ARSH: variants seen among roughly 807,000 people sequenced by gnomAD.
ARSH encodes the protein arylsulfatase family member H.
Under a neutral mutation model 28.7 loss-of-function variants are expected in ARSH, and 32 were observed. The observed-to-expected ratio is 1.11, with a 90% CI of 0.84 to 1.50. The LOEUF (loss-of-function observed/expected upper bound fraction) is 1.50. Among genes scored for constraint, ARSH ranks in the 40% most tolerant of loss-of-function variants. The pLI is 0.00. For missense variants in ARSH, 440 were observed against 452.4 expected, an observed-to-expected ratio of 0.97 and a Z score of 0.25; for synonymous variants, 176 against 177.3, an observed-to-expected ratio of 0.99 and a Z score of 0.06.
rs747948261 is a variant in ARSH, at chrX:3,024,143, G to A, written c.1024G>A (p.Gly342Arg). ...GGCTGTTCAGCTGGGTGGCTGGAACGGGATCTACAAAGGTGATTGTGTGTA... is the reference window on the plus strand; with the variant it reads ...GGCTGTTCAGCTGGGTGGCTGGAACAGGATCTACAAAGGTGATTGTGTGTA... The part of the protein sequence containing the change: ...DGAVQLGGWN[G>R]IYKGGKGMGG... Residue 342 changes from glycine to arginine, a missense_variant, in exon 6 of 9, where the codon GGG (glycine) becomes AGG (arginine). Transcript: ENST00000381130. The A allele has an allele frequency of 1.0e-5, 12 of 1,192,625 alleles. No individual in the cohort carries two copies. In the Admixed American group the frequency reaches 1.6e-4, roughly 16 times the overall value.
At chrX:3,022,609 A>G (rs2089887346) in intron 5 of ARSH, among the ~76,000 whole-genome samples, 1 of 112,180 alleles carries the variant, frequency 8.9e-6, no homozygotes, top group Non-Finnish European at 1.9e-5. Flanking sequence ...AGACATCAGA[A>G]AGGAAATGAA....
Position 3,015,033 on chromosome X carries a change from ATGGT to A in ARSH, c.406_409del (p.Gly136PhefsTer12), listed in dbSNP as rs1370290522. The A allele has an allele frequency of 8.3e-7, 1 of 1,211,321 alleles. No individual in the cohort carries two copies. The highest frequency in any genetic ancestry group is 1.1e-6 in the Non-Finnish European group (1 of 895,400). On this transcript the variant is annotated frameshift_variant, in exon 4 of 9. Coordinates refer to ENST00000381130, the MANE Select transcript of ARSH (RefSeq NM_001011719.2). LOFTEE classifies it high-confidence loss of function. ...GATCACTGTTACCACCCGCTCAACCATGGTTTTCACTACTTTTACGGGGTGCCTT... is the reference window on the plus strand; with the variant it reads ...GATCACTGTTACCACCCGCTCAACCATTTCACTACTTTTACGGGGTGCCTT...
chrX:3,009,908 G>C, intron 1 of ARSH, 122 bp from the exon 2 acceptor site: 2 of 852,474 alleles, frequency 2.3e-6, no homozygotes, highest in Middle Eastern at 3.3e-4. Flanking sequence ...GTTTTAAAAA[G>C]ATGGATTTTA....
Position 3,024,173 on chromosome X carries a change from ACCAACG to A in ARSH, c.1036+21_1036+26del, listed in dbSNP as rs761456640. On this transcript the variant is annotated intron_variant, in intron 6 of 8. Transcript: ENST00000381130. ...CTACAAAGGTGATTGTGTGTAGAGA[ACCAACG>A]CCTGTCCATTTTAAATCAGTAGTCT... 51 of 1,140,153 alleles carry A rather than the reference ACCAACG, an allele frequency of 4.5e-5. No individual in the cohort carries two copies. Among genetic ancestry groups the A allele is most frequent in the Non-Finnish European group, 4.9e-5 (42 of 862,486 alleles). 94.0% of individuals were successfully genotyped at this position (1,140,153 alleles called of 1,213,427 possible).
chrX:3,018,702 T>C (rs1190134407), intron 5 of ARSH, 32 bp downstream of exon 5: 2 of 1,198,412 alleles, frequency 1.7e-6, no homozygotes, highest in African/African-American at 3.5e-5. Flanking sequence ...TGTAAATATC[T>C]GAAGTACGGG....
At chrX:3,018,327 T>C (rs891270311) in intron 4 of ARSH, among the ~76,000 whole-genome samples, 1 of 111,880 alleles carries the variant, frequency 8.9e-6, no homozygotes, top group Non-Finnish European at 1.9e-5. Context: ...GGAACACAAA[T>C]GTTCTGTTAT....
chrX:3,027,313 G>A lies in ARSH; in HGVS notation c.1037G>A (p.Gly346Asp). 8.3e-7 allele frequency: 1 copy of A among 1,210,408 alleles called. No individual in the cohort carries two copies. Among genetic ancestry groups the A allele is most frequent in the Non-Finnish European group, 1.1e-6 (1 of 895,133 alleles). Residue 346 changes from glycine (G) to aspartate (D), a missense_variant and splice_region_variant, in exon 7 of 9, where the codon GGT becomes GAT. Gly to Asp is a moderately conservative substitution (Grantham distance 94). Coordinates refer to ENST00000381130, the MANE Select transcript of ARSH (RefSeq NM_001011719.2). ...GTTGTGTCGTAATCTTTGGTTTTAGGTGGCAAAGGAATGGGAGGATGGGAA... is the reference window on the plus strand; with the variant it reads ...GTTGTGTCGTAATCTTTGGTTTTAGATGGCAAAGGAATGGGAGGATGGGAA... ...QLGGWNGIYK[G>D]GKGMGGWEGG...
At chrX:3,027,962 G>A (rs113893691) in intron 7 of ARSH, among the ~76,000 whole-genome samples, 13,071 of 109,487 alleles carry the variant, frequency 0.12, 730 homozygotes, top group African/African-American at 0.2. Context: ...AATCAGTCTG[G>A]TGTGGTGGCA....
At position 3,012,588 on chromosome X, in the gene ARSH, T is replaced by TA. The variant is rs1290554852; in HGVS notation, c.215-458dup. Reference sequence around the variant, plus strand: ...AAAAAAATATATATATATATATATATATATATATATAATATATATATGTAT... The same window carrying TA: ...AAAAAAATATATATATATATATATATAATATATATATAATATATATATGTAT... On this transcript the variant is annotated intron_variant, in intron 2 of 8. Coordinates refer to ENST00000381130, the MANE Select transcript of ARSH (RefSeq NM_001011719.2). Among the ~76,000 whole-genome samples the TA allele has an allele frequency of 2.4e-3, 55 of 22,849 alleles. 1 individual carries two copies. Among genetic ancestry groups the TA allele is most frequent in the African/African-American group, 9.5e-3 (49 of 5,153 alleles). The allele number at this position is 22,849 out of a possible 115,157, so 19.8% of individuals were successfully genotyped here.
In ARSH at chrX:3,029,346, G is replaced by A. The variant is rs138759808; in HGVS notation, c.1299G>A (p.Thr433=). The change falls in exon 8 of 9, where the codon ACG becomes ACA. Residue 433 remains threonine, a synonymous_variant. Coordinates refer to ENST00000381130, the MANE Select transcript of ARSH (RefSeq NM_001011719.2). Reference sequence around the variant, plus strand: ...ACTACTGTGGGGTCTATCTGCACACGGTCAGGTGGCATCAGAAGGACTGTA... The same window carrying A: ...ACTACTGTGGGGTCTATCTGCACACAGTCAGGTGGCATCAGAAGGACTGTA... ...LFHYCGVYLH[T]VRWHQKDCAT... The A allele has an allele frequency of 5.0e-5, 61 of 1,207,922 alleles. No homozygotes were observed. Among genetic ancestry groups the A allele is most frequent in the Middle Eastern group, 4.6e-4 (2 of 4,372 alleles).
intron 8 of ARSH, among the ~76,000 whole-genome samples, chrX:3,031,950 C>T (rs1367848543): frequency 9.0e-6 from 1 of 111,238 alleles, no homozygotes; most frequent in Non-Finnish European, 1.9e-5. Flanking sequence ...CCAAGCATCA[C>T]ACCTGCACTC....
intron 4 of ARSH, among the ~76,000 whole-genome samples, chrX:3,017,119 C>T (rs1180357776): frequency 9.0e-6 from 1 of 111,424 alleles, no homozygotes. Flanking sequence ...CTCAGCTCTC[C>T]ATTCATCTTA....
Position 3,033,355 on chromosome X carries a change from G to A in ARSH, c.1659G>A (p.Lys553=), listed in dbSNP as rs146321466. 1 of 1,204,097 alleles carries A rather than the reference G, an allele frequency of 8.3e-7. No individual in the cohort carries two copies. The highest frequency in any genetic ancestry group is 1.8e-5 in the African/African-American group (1 of 57,102). The change falls in exon 9 of 9, where the codon AAG becomes AAA. Residue 553 remains lysine, a synonymous_variant. Coordinates refer to ENST00000381130, the MANE Select transcript of ARSH (RefSeq NM_001011719.2). ...CGTFPFCGCD[K]EDDILPMAP ...CCTTCCCCTTCTGTGGGTGTGACAAGGAAGATGACATCCTTCCCATGGCTC... is the reference window on the plus strand; with the variant it reads ...CCTTCCCCTTCTGTGGGTGTGACAAAGAAGATGACATCCTTCCCATGGCTC...
chrX:3,007,942 G>C (rs1433276348), intron 1 of ARSH, among the ~76,000 whole-genome samples: 1 of 111,372 alleles, frequency 9.0e-6, no homozygotes, highest in African/African-American at 3.3e-5. Context: ...TATTGGATAA[G>C]GGTCCACTTT....
At chrX:3,028,588 C>T (rs1042390372) in intron 7 of ARSH, among the ~76,000 whole-genome samples, 3 of 110,923 alleles carry the variant, frequency 2.7e-5, no homozygotes, top group Non-Finnish European at 5.7e-5. Flanking sequence ...GATATCTATT[C>T]ATTAAATGTG....
chrX:3,032,986 T>A, intron 8 of ARSH, 32 bp from the exon 9 acceptor site: 2 of 1,174,411 alleles, frequency 1.7e-6, no homozygotes, highest in Non-Finnish European at 2.3e-6. Flanking sequence ...ACCACAAAGA[T>A]GGTATCATAC....
intron 4 of ARSH, among the ~76,000 whole-genome samples, chrX:3,016,003 ATT>A (rs776644529): frequency 1.1e-3 from 113 of 99,082 alleles, no homozygotes; most frequent in Non-Finnish European, 1.9e-3. Flanking sequence ...TAATGTTTTA[ATT>A]TTTTTTTTTT....
At chrX:3,009,908 G>A in intron 1 of ARSH, 122 bp from the exon 2 acceptor site, 1 of 852,474 alleles carries the variant, frequency 1.2e-6, no homozygotes, top group Non-Finnish European at 1.7e-6. Context: ...GTTTTAAAAA[G>A]ATGGATTTTA....
rs1317168489 is a variant in ARSH at position 3,033,586 on chromosome X, G to A, written c.*201G>A. Reference sequence around the variant, plus strand: ...ACAGTGAACCTGGAGGGGAGCATTTGTTGTATAATTTTTTTCTAGTATATA... The same window carrying A: ...ACAGTGAACCTGGAGGGGAGCATTTATTGTATAATTTTTTTCTAGTATATA... On this transcript the variant is annotated 3_prime_UTR_variant, in exon 9 of 9. Coordinates refer to ENST00000381130, the MANE Select transcript of ARSH (RefSeq NM_001011719.2). 2 of 363,231 alleles carry A rather than the reference G, an allele frequency of 5.5e-6. No homozygotes were observed. Among genetic ancestry groups the A allele is most frequent in the Admixed American group, 1.0e-4 (2 of 19,715 alleles). 29.9% of individuals were successfully genotyped at this position (363,231 alleles called of 1,213,427 possible).
Sources: allele counts gnomAD v4.1 joint callset (sites outside exome capture counted in the v4.1 genomes callset), GRCh38; gene constraint gnomAD v4.1.1; transcripts MANE v1.5; gene names NCBI Gene and HGNC (gene_info 2026-07-23, HGNC 2026-07-21).